The following NDC1 variants were observed in gnomAD, a reference collection of about 807,000 sequenced individuals.
NDC1 encodes nucleoporin NDC1.
In NDC1, 24 loss-of-function variants were observed where a neutral mutation model predicts 89.8. The observed-to-expected ratio is 0.27, with a 90% CI of 0.19 to 0.38. NDC1 has a LOEUF of 0.38. Among genes scored for constraint, NDC1 ranks in the 10% least tolerant of loss-of-function variants. NDC1 has a pLI of 1.00. For missense variants in NDC1, 728 were observed against 797.6 expected, an observed-to-expected ratio of 0.91 and a Z score of 1.05; for synonymous variants, 296 against 284.8, an observed-to-expected ratio of 1.04 and a Z score of -0.39.
chr1:53,795,911 G>A (rs557148431), intron 13 of NDC1, among the ~76,000 whole-genome samples: 1 of 152,258 alleles, frequency 6.6e-6, no homozygotes, highest in South Asian at 2.1e-4. Context: ...TACAGCCAAT[G>A]AGCCCTGGGT....
chr1:53,791,719 C>T (rs1647511506), intron 14 of NDC1, among the ~76,000 whole-genome samples: 1 of 152,182 alleles, frequency 6.6e-6, no homozygotes, highest in Non-Finnish European at 1.5e-5. Context: ...TAGCCTTTCA[C>T]TTTCAAGAAA....
At chr1:53,823,070 C>A (rs1648729039) in intron 5 of NDC1, among the ~76,000 whole-genome samples, 1 of 152,264 alleles carries the variant, frequency 6.6e-6, no homozygotes, top group African/African-American at 2.4e-5. Context: ...GGCAAACCTA[C>A]CCTGCCAGGC....
At chr1:53,804,143 A>G (rs1345157545) in intron 9 of NDC1, 134 bp from the exon 10 acceptor site, 6 of 651,496 alleles carry the variant, frequency 9.2e-6, no homozygotes, top group Admixed American at 6.0e-5. Context: ...TCTCAGAACC[A>G]TAACCTTCCT....
chr1:53,769,791 G>A (rs550126065), intron 17 of NDC1, among the ~76,000 whole-genome samples: 5 of 152,292 alleles, frequency 3.3e-5, no homozygotes, highest in Middle Eastern at 3.4e-3. Flanking sequence ...GTGTGAGAAT[G>A]TTCCCTTTCA....
At chr1:53,819,887 A>G (rs1246505898) in intron 5 of NDC1, among the ~76,000 whole-genome samples, 5 of 152,172 alleles carry the variant, frequency 3.3e-5, no homozygotes, top group African/African-American at 1.2e-4. Context: ...CCTGGGCCAC[A>G]CTGAAAGAAG....
intron 16 of NDC1, among the ~76,000 whole-genome samples, chr1:53,774,442 T>C (rs925405918): frequency 6.6e-6 from 1 of 152,208 alleles, no homozygotes; most frequent in Non-Finnish European, 1.5e-5. Flanking sequence ...TCAATTTTCT[T>C]GCAAATGTCC....
chr1:53,807,246 CAAAAAAAAAAAAA>C (rs56393499), intron 8 of NDC1, among the ~76,000 whole-genome samples: 2 of 55,268 alleles, frequency 3.6e-5, no homozygotes, highest in African/African-American at 1.5e-4. Context: ...GACCCTATCT[CAAAAAAAAAAAAA>C]AAAAAAAAAA....
At position 53,768,036 on chromosome 1, in the gene NDC1, A is replaced by G. The variant is rs201665807; in HGVS notation, c.1962-3T>C. On this transcript the variant is annotated splice_polypyrimidine_tract_variant and splice_region_variant and intron_variant, in intron 17 of 17. Transcript: ENST00000371429. ...GTTCTGCAGATGCTTGCACAGCACT[A>G]AATGAAACATAAATTCAAAGCATAA... The G allele has an allele frequency of 8.8e-5, 140 of 1,594,468 alleles. No homozygotes were observed. The highest frequency in any genetic ancestry group is 8.8e-4 in the Middle Eastern group (5 of 5,712).
intron 6 of NDC1, 28 bp downstream of exon 6, chr1:53,818,943 C>T (rs775238501): frequency 2.3e-5 from 23 of 998,688 alleles, no homozygotes; most frequent in Non-Finnish European, 3.2e-5. Flanking sequence ...GATAATATAT[C>T]ACTGTATCAA....
intron 3 of NDC1, among the ~76,000 whole-genome samples, chr1:53,828,958 A>G (rs1352846113): frequency 2.0e-5 from 3 of 152,166 alleles, no homozygotes; most frequent in Non-Finnish European, 4.4e-5. Flanking sequence ...AACTGTCAAT[A>G]TATAATCCAC....
At chr1:53,814,496 G>A (rs1034273484) in intron 6 of NDC1, among the ~76,000 whole-genome samples, 8 of 152,106 alleles carry the variant, frequency 5.3e-5, no homozygotes, top group Non-Finnish European at 1.0e-4. Flanking sequence ...ATCAAAAAGA[G>A]TGAAAGAGCA....
chr1:53,806,511 C>A lies in NDC1; in HGVS notation c.898G>T (p.Val300Leu). The change falls in exon 9 of 18, where the codon GTG becomes TTG. Residue 300 changes from valine to leucine, a missense_variant. Val to Leu is a conservative substitution (Grantham distance 32). Coordinates refer to ENST00000371429, the MANE Select transcript of NDC1 (RefSeq NM_018087.5). ...GCAAATGGTGGTTGAACAGGAAACACATGAGCCTATCAAATAAATTAAAAA... is the reference window on the plus strand; with the variant it reads ...GCAAATGGTGGTTGAACAGGAAACAAATGAGCCTATCAAATAAATTAAAAA... ...LFKIYATEAH[V>L]FPVQPPFAEG... The A allele has an allele frequency of 3.4e-6, 5 of 1,484,786 alleles. No individual in the cohort carries two copies. Among genetic ancestry groups the A allele is most frequent in the Non-Finnish European group, 4.5e-6 (5 of 1,120,182 alleles). 92.0% of individuals were successfully genotyped at this position (1,484,786 alleles called of 1,614,324 possible).
intron 14 of NDC1, among the ~76,000 whole-genome samples, 180 bp from the exon 15 acceptor site, chr1:53,789,376 C>T (rs914131286): frequency 6.6e-6 from 1 of 152,232 alleles, no homozygotes; most frequent in Admixed American, 6.5e-5. Flanking sequence ...TAATAAAGCA[C>T]TCTACCATCA....
chr1:53,775,239 T>C (rs973749157), intron 16 of NDC1, among the ~76,000 whole-genome samples: 1 of 152,150 alleles, frequency 6.6e-6, no homozygotes, highest in African/African-American at 2.4e-5. Flanking sequence ...TGCACCTTAA[T>C]TGCAAAACAT....
intron 9 of NDC1, among the ~76,000 whole-genome samples, chr1:53,804,610 G>A (rs560684738): frequency 6.6e-6 from 1 of 152,188 alleles, no homozygotes; most frequent in South Asian, 2.1e-4. Context: ...CCGAGTGGCT[G>A]GGACAACAGG....
intron 6 of NDC1, among the ~76,000 whole-genome samples, chr1:53,816,530 A>G (rs1188506401): frequency 6.6e-6 from 1 of 152,060 alleles, no homozygotes. Context: ...CCTTCTAGAC[A>G]TTGGCTTAGG....
intron 4 of NDC1, 67 bp from the exon 5 acceptor site, chr1:53,826,003 G>A: frequency 6.8e-7 from 1 of 1,467,084 alleles, no homozygotes; most frequent in South Asian, 1.3e-5. Flanking sequence ...TAGGCTCAAT[G>A]TTTACTGAAG....
rs1370667751 is a variant in NDC1, at chr1:53,796,878, TA to T, written c.1468+20del. On this transcript the variant is annotated intron_variant, in intron 12 of 17. Transcript: ENST00000371429. ...CTCTGCAACATGACATTTAAAATCT[TA>T]AAAAATATATAATTCTCACCAGAAG... The T allele has an allele frequency of 3.1e-6, 5 of 1,608,598 alleles. No individual in the cohort carries two copies. The highest frequency in any genetic ancestry group is 4.5e-5 in the East Asian group (2 of 44,848).
At chr1:53,824,704 A>G (rs2100686678) in intron 5 of NDC1, among the ~76,000 whole-genome samples, 1 of 152,336 alleles carries the variant, frequency 6.6e-6, no homozygotes, top group South Asian at 2.1e-4. Flanking sequence ...AATGACTCCT[A>G]CCAGATTACA....
Sources: allele counts gnomAD v4.1 joint callset (sites outside exome capture counted in the v4.1 genomes callset), GRCh38; gene constraint gnomAD v4.1.1; transcripts MANE v1.5; gene names NCBI Gene and HGNC (gene_info 2026-07-23, HGNC 2026-07-21).